The following MS4A2 variants were observed in gnomAD, a reference collection of about 807,000 sequenced individuals.
MS4A2 encodes high affinity immunoglobulin epsilon receptor subunit beta.
MS4A2 carries 26 observed loss-of-function variants against 27.9 expected under a neutral mutation model. The observed-to-expected ratio is 0.93, with a 90% CI of 0.68 to 1.29. MS4A2 has a LOEUF of 1.29. Ranked by LOEUF, MS4A2 falls within the 50% of genes most tolerant of loss-of-function variation. The pLI is 0.00. For synonymous variants in MS4A2, 110 were observed against 98.8 expected, an observed-to-expected ratio of 1.11 and a Z score of -0.67; for missense variants, 284 against 284.6, an observed-to-expected ratio of 1.00 and a Z score of 0.01.
intron 3 of MS4A2, among the ~76,000 whole-genome samples, chr11:60,090,922 C>T (rs1355236474): frequency 1.3e-5 from 2 of 152,146 alleles, no homozygotes; most frequent in African/African-American, 4.8e-5. Context: ...GAGGCTGAGG[C>T]AGGTGGATCA....
rs1855898817 is a variant in MS4A2, at chr11:60,098,031, G to A, written c.*2375G>A. ...TGGTTTACCAGGACCTCTAGGAGTG[G>A]ATCCAATCTATATCTTTACAGTTGT... On this transcript the variant is annotated 3_prime_UTR_variant, in exon 7 of 7. Transcript: ENST00000278888. 6.6e-6 allele frequency: 1 copy of A among 152,154 alleles called. No homozygotes were observed. The highest frequency in any genetic ancestry group is 2.4e-5 in the African/African-American group (1 of 41,444). 9.4% of individuals were successfully genotyped at this position (152,154 alleles called of 1,614,324 possible). A position where few individuals can be genotyped will look rare whatever the true frequency, so the allele number is the denominator to read the frequency against.
Position 60,093,519 on chromosome 11 carries a change from A to T in MS4A2, c.498A>T (p.Lys166Asn), listed in dbSNP as rs1481946030. Reference sequence around the variant, plus strand: ...ATATCCACATCCACAGTTGCCAGAAATTTTTTGAGACCAAGTGCTTTATGG... The same window carrying T: ...ATATCCACATCCACAGTTGCCAGAATTTTTTTGAGACCAAGTGCTTTATGG... The part of the protein sequence containing the change: ...LAYIHIHSCQ[K>N]FFETKCFMAS... Residue 166 changes from lysine to asparagine, a missense_variant, in exon 5 of 7, where the codon AAA (lysine) becomes AAT (asparagine). Physicochemically the swap from Lys to Asn is moderately conservative, Grantham distance 94. Coordinates refer to ENST00000278888, the MANE Select transcript of MS4A2 (RefSeq NM_000139.5). 3.7e-6 allele frequency: 6 copies of T among 1,614,160 alleles called. No homozygotes were observed. The South Asian group carries it at 5.5e-5, about 15-fold the overall frequency.
intron 1 of MS4A2, among the ~76,000 whole-genome samples, chr11:60,089,283 A>G (rs1855713131): frequency 6.6e-6 from 1 of 152,206 alleles, no homozygotes; most frequent in Non-Finnish European, 1.5e-5. Flanking sequence ...CCATTCCTTC[A>G]TTGTATTCTG....
intron 1 of MS4A2, 41 bp from the exon 2 acceptor site, chr11:60,089,651 A>G (rs1401946886): frequency 1.9e-6 from 3 of 1,613,706 alleles, no homozygotes; most frequent in East Asian, 4.5e-5. Flanking sequence ...ACAGGGAGTT[A>G]CAGAATGTTC....
chr11:60,088,984 G>A (rs1269951804), intron 1 of MS4A2, among the ~76,000 whole-genome samples, 163 bp downstream of exon 1: 1 of 152,048 alleles, frequency 6.6e-6, no homozygotes, highest in African/African-American at 2.4e-5. Flanking sequence ...CTTTCCATGT[G>A]GTTCTCTCTC....
rs564008939 is a variant in MS4A2, at chr11:60,089,783, T to C, written c.148T>C (p.Trp50Arg). 3.1e-6 allele frequency: 5 copies of C among 1,614,156 alleles called. No homozygotes were observed. Among genetic ancestry groups the C allele is most frequent in the East Asian group, 2.2e-5 (1 of 44,880 alleles). Residue 50 changes from tryptophan (W) to arginine (R), a missense_variant, in exon 2 of 7, where the codon TGG (tryptophan) becomes CGG (arginine). By Grantham distance (101) the Trp-to-Arg change is moderately radical. Transcript: ENST00000278888. Reference sequence around the variant, plus strand: ...GGCCTCATCCCCACCACTGCATACATGGCTGACAGTTTTGAAAAAAGAGCA... The same window carrying C: ...GGCCTCATCCCCACCACTGCATACACGGCTGACAGTTTTGAAAAAAGAGCA... ...KSASSPPLHT[W>R]LTVLKKEQEF...
At chr11:60,090,586 A>T in intron 3 of MS4A2, 116 bp downstream of exon 3, 4 of 928,520 alleles carry the variant, frequency 4.3e-6, no homozygotes, top group Non-Finnish European at 6.4e-6. Context: ...ATTCTTAATT[A>T]TAAATTATAT....
upstream of MS4A2, chr11:60,088,530 A>G (rs188570199): frequency 1.9e-4 from 218 of 1,168,318 alleles, no homozygotes; most frequent in Admixed American, 5.0e-4. Context: ...CTTATTTCAT[A>G]TTAGTCTTTA....
At position 60,094,034 on chromosome 11, in the gene MS4A2, G is replaced by A; in HGVS notation, c.608G>A (p.Gly203Glu). Residue 203 changes from glycine (G) to glutamate (E), a missense_variant, in exon 6 of 7, where the codon GGA becomes GAA. Gly to Glu is a moderately conservative substitution (Grantham distance 98, BLOSUM62 -2). Transcript: ENST00000278888. ...LGSAVSLTICGAGEELKGNKV... is the reference protein window; with the variant it reads ...LGSAVSLTICEAGEELKGNKV... ...AGTGCTGTGTCACTCACAATCTGTG[G>A]AGCTGGGGAAGAACTCAAAGGAAAC... 6.2e-7 allele frequency: 1 copy of A among 1,613,908 alleles called. No individual in the cohort carries two copies. The highest frequency in any genetic ancestry group is 1.1e-5 in the South Asian group (1 of 91,076).
At chr11:60,095,262 C>CA (rs906196550) in intron 6 of MS4A2, among the ~76,000 whole-genome samples, 15 of 151,492 alleles carry the variant, frequency 9.9e-5, no homozygotes, top group Admixed American at 3.3e-4. Flanking sequence ...GATTCTGTCT[C>CA]AAAAAAAATA....
Position 60,095,720 on chromosome 11 carries a change from G to A in MS4A2, c.*64G>A. On this transcript the variant is annotated 3_prime_UTR_variant, in exon 7 of 7. Coordinates refer to ENST00000278888, the MANE Select transcript of MS4A2 (RefSeq NM_000139.5). ...ATCCAGAAGGCCAAGGTCTTGTTAAGGGGCTACTGGAAAAATTTCTATTCT... is the reference window on the plus strand; with the variant it reads ...ATCCAGAAGGCCAAGGTCTTGTTAAAGGGCTACTGGAAAAATTTCTATTCT... 1.9e-6 allele frequency: 2 copies of A among 1,077,030 alleles called. No individual in the cohort carries two copies. 66.7% of individuals were successfully genotyped at this position (1,077,030 alleles called of 1,614,324 possible). A position where few individuals can be genotyped will look rare whatever the true frequency, so the allele number is the denominator to read the frequency against.
chr11:60,090,701 C>A (rs1223771521), intron 3 of MS4A2, among the ~76,000 whole-genome samples: 2 of 152,132 alleles, frequency 1.3e-5, no homozygotes, highest in Non-Finnish European at 2.9e-5. Context: ...CCATGAGAAA[C>A]CTGAATCTAA....
chr11:60,091,546 C>T (rs765703892), intron 3 of MS4A2, among the ~76,000 whole-genome samples: 3 of 152,198 alleles, frequency 2.0e-5, no homozygotes, highest in African/African-American at 4.8e-5. Context: ...CTTGTCCTCT[C>T]GTTCCCAAGA....
Position 60,095,584 on chromosome 11 carries a change from A to T in MS4A2, c.663A>T (p.Glu221Asp), listed in dbSNP as rs755115172. 2.2e-5 allele frequency: 35 copies of T among 1,611,264 alleles called. No individual in the cohort carries two copies. Among genetic ancestry groups the T allele is most frequent in the Non-Finnish European group, 2.9e-5 (34 of 1,177,456 alleles). The change falls in exon 7 of 7, where the codon GAA becomes GAT. Residue 221 changes from glutamate to aspartate, a missense_variant. Physicochemically the swap from Glu to Asp is conservative, Grantham distance 45. Transcript: ENST00000278888. Reference sequence around the variant, plus strand: ...TTCCAGAGGATCGTGTTTATGAAGAATTAAACATATATTCAGCTACTTACA... The same window carrying T: ...TTCCAGAGGATCGTGTTTATGAAGATTTAAACATATATTCAGCTACTTACA... ...NKVPEDRVYE[E>D]LNIYSATYSE... is the part of the protein sequence containing the mutation.
At position 60,093,994 on chromosome 11, in the gene MS4A2, A is replaced by G; in HGVS notation, c.568A>G (p.Ile190Val). The G allele has an allele frequency of 3.1e-6, 5 of 1,614,014 alleles. No individual in the cohort carries two copies. The South Asian group carries it at 4.4e-5, about 14-fold the overall frequency. Residue 190 changes from isoleucine to valine, a missense_variant, in exon 6 of 7, where the codon ATT becomes GTT. Ile to Val is a conservative substitution (Grantham distance 29). Transcript: ENST00000278888. Reference protein sequence around the residue: ...EIVVMMLFLTILGLGSAVSLT... With the variant: ...EIVVMMLFLTVLGLGSAVSLT... ...TGTAGTGATGATGCTGTTTCTCACCATTCTGGGACTTGGTAGTGCTGTGTC... is the reference window on the plus strand; with the variant it reads ...TGTAGTGATGATGCTGTTTCTCACCGTTCTGGGACTTGGTAGTGCTGTGTC...
chr11:60,090,180 G>A (rs1446551304), intron 2 of MS4A2, among the ~76,000 whole-genome samples, 156 bp from the exon 3 acceptor site: 1 of 152,186 alleles, frequency 6.6e-6, no homozygotes, highest in Admixed American at 6.5e-5. Context: ...TTCTTATAGT[G>A]GCTAGGGTAT....
At position 60,093,272 on chromosome 11, in the gene MS4A2, C is replaced by T. The variant is rs1855801284; in HGVS notation, c.379-128C>T. ...AACAATGCGGACATTTTCAGGGTTTCCCTTTTTAACCAAAATTTGGAAGCA... is the reference window on the plus strand; with the variant it reads ...AACAATGCGGACATTTTCAGGGTTTTCCTTTTTAACCAAAATTTGGAAGCA... On this transcript the variant is annotated intron_variant, in intron 4 of 6. Transcript: ENST00000278888. 2.5e-6 allele frequency: 3 copies of T among 1,176,914 alleles called. No individual in the cohort carries two copies. In the African/African-American group the frequency reaches 4.6e-5, roughly 18 times the overall value. The allele number at this position is 1,176,914 out of a possible 1,614,324, so 72.9% of individuals were successfully genotyped here.
At chr11:60,088,641 G>A, upstream of MS4A2, 6 of 1,532,540 alleles carry the variant, frequency 3.9e-6, no homozygotes, top group East Asian at 2.5e-5. Context: ...TATGTATAAA[G>A]AGAATCATCA....
intron 5 of MS4A2, 125 bp downstream of exon 5, chr11:60,093,683 T>C (rs1318832485): frequency 2.9e-6 from 4 of 1,359,714 alleles, no homozygotes; most frequent in African/African-American, 1.4e-5. Context: ...ATAGTGGTTC[T>C]GTAAGTTCAC....
Sources: allele counts gnomAD v4.1 joint callset (sites outside exome capture counted in the v4.1 genomes callset), GRCh38; gene constraint gnomAD v4.1.1; transcripts MANE v1.5; gene names NCBI Gene and HGNC (gene_info 2026-07-23, HGNC 2026-07-21).